EPB41L3: variants seen among roughly 807,000 people sequenced by gnomAD.
EPB41L3 encodes band 4.1-like protein 3.
EPB41L3 carries 57 observed loss-of-function variants against 127.1 expected under a neutral mutation model. That is an observed-to-expected ratio of 0.45 (90% confidence interval 0.36 to 0.56). The LOEUF is 0.56. Ranked by LOEUF, EPB41L3 falls within the 20% of genes least tolerant of loss-of-function variation. EPB41L3 has a pLI of 0.00. For missense variants in EPB41L3, 1,273 were observed against 1,372.2 expected (o/e 0.93, Z 1.14); for synonymous variants, 572 against 549.5 (o/e 1.04, Z -0.57).
At chr18:5,542,988 C>T (rs1302852886) in intron 1 of EPB41L3, among the ~76,000 whole-genome samples, 1 of 152,156 alleles carries the variant, frequency 6.6e-6, no homozygotes, top group Non-Finnish European at 1.5e-5. Context: ...GCCCTAGCCT[C>T]CCCACCCCCA....
chr18:5,513,077 C>T (rs542401851), intron 1 of EPB41L3, among the ~76,000 whole-genome samples: 8 of 152,300 alleles, frequency 5.3e-5, no homozygotes, highest in Admixed American at 3.9e-4. Flanking sequence ...CAGCTGCAGT[C>T]GTTTGTCATT....
rs1381533337 is a variant in EPB41L3 at position 5,397,714 on chromosome 18, A to G, written c.2473-288T>C. ...AACAAAACAAAAACCAAAGCATTGC[A>G]GCGCATTCACGTTGGTTTTGGCTGC... On this transcript the variant is annotated intron_variant, in intron 17 of 22. Coordinates refer to ENST00000341928, the MANE Select transcript of EPB41L3 (RefSeq NM_012307.5). The surrounding 1 kb of genome is among the most constrained non-coding windows in gnomAD (Gnocchi z 4.1). 2.0e-5 allele frequency among the ~76,000 whole-genome samples: 3 copies of G among 152,238 alleles called. No individual in the cohort carries two copies. Among genetic ancestry groups the G allele is most frequent in the Admixed American group, 6.5e-5 (1 of 15,292 alleles).
intron 2 of EPB41L3, among the ~76,000 whole-genome samples, chr18:5,479,413 G>A (rs2087949843): frequency 6.6e-6 from 1 of 152,060 alleles, no homozygotes; most frequent in Non-Finnish European, 1.5e-5. Context: ...TACTTTTCAG[G>A]GGCTCGAAAA....
intron 1 of EPB41L3, among the ~76,000 whole-genome samples, chr18:5,540,035 T>C (rs1189504824): frequency 6.6e-6 from 1 of 152,194 alleles, no homozygotes; most frequent in East Asian, 1.9e-4. Flanking sequence ...CCACATACTT[T>C]TTTTAAAAGA....
chr18:5,548,123 AC>A (rs2093910899), upstream of EPB41L3, among the ~76,000 whole-genome samples: 1 of 152,230 alleles, frequency 6.6e-6, no homozygotes, highest in Non-Finnish European at 1.5e-5. Context: ...AATGTCAGGC[AC>A]CTGAATTGCA....
rs1309111302 is a variant in EPB41L3, at chr18:5,543,505, A to T, written c.-12+408T>A. ...CGCGCTCGCCCCCAGCCCGAGGGGC[A>T]ACTTAAAACATGGCGCCCCGGGCGG... is the stretch of plus-strand genomic sequence containing the variant. On this transcript the variant is annotated intron_variant, in intron 1 of 22. Transcript: ENST00000341928. The surrounding 1 kb of genome is among the most constrained non-coding windows in gnomAD (Gnocchi z 5.2). The T allele has an allele frequency of 6.8e-6, 1 of 147,142 alleles. No homozygotes were observed. Among genetic ancestry groups the T allele is most frequent in the Admixed American group, 6.7e-5 (1 of 14,858 alleles). 9.1% of individuals were successfully genotyped at this position (147,142 alleles called of 1,614,324 possible). A position where few individuals can be genotyped will look rare whatever the true frequency, so the allele number is the denominator to read the frequency against.
At chr18:5,618,109 C>G (rs969541558) in intron 1 of EPB41L3, among the ~76,000 whole-genome samples, 4 of 152,128 alleles carry the variant, frequency 2.6e-5, no homozygotes, top group African/African-American at 9.7e-5. Flanking sequence ...GCAAATAATT[C>G]AAAATTCCAA....
upstream of EPB41L3, among the ~76,000 whole-genome samples, chr18:5,547,916 G>A (rs2093907435): frequency 6.6e-6 from 1 of 152,200 alleles, no homozygotes; most frequent in Non-Finnish European, 1.5e-5. Flanking sequence ...TAGAGAATCA[G>A]TCTGGTTAAA....
At chr18:5,467,275 T>C (rs957277180) in intron 3 of EPB41L3, 1 of 152,226 alleles carries the variant, frequency 6.6e-6, no homozygotes, top group African/African-American at 2.4e-5. Flanking sequence ...ATTCTTTACA[T>C]AGTAGCTTAT....
chr18:5,576,856 A>C (rs558878678), intron 3 of EPB41L3, among the ~76,000 whole-genome samples: 2 of 152,234 alleles, frequency 1.3e-5, no homozygotes, highest in Non-Finnish European at 2.9e-5. Flanking sequence ...TGCAAAGTCT[A>C]AGCATAAGTA....
chr18:5,440,817 GA>G (rs2080595184), intron 5 of EPB41L3, among the ~76,000 whole-genome samples: 1 of 152,118 alleles, frequency 6.6e-6, no homozygotes, highest in South Asian at 2.1e-4. Flanking sequence ...GAAATTTTAA[GA>G]TCCTGCATGC....
At chr18:5,403,552 TA>T (rs1283266035) in intron 16 of EPB41L3, among the ~76,000 whole-genome samples, 3 of 150,378 alleles carry the variant, frequency 2.0e-5, no homozygotes, top group Non-Finnish European at 4.4e-5. Flanking sequence ...AAGAAATCTT[TA>T]GTTTTTTTCT....
In EPB41L3 at chr18:5,582,323, T is replaced by C. The variant is rs574396098; in HGVS notation, c.-306+30017A>G. Among the ~76,000 whole-genome samples, 531 of 152,216 alleles carry C rather than the reference T, an allele frequency of 3.5e-3. 1 individual carries two copies. The highest frequency in any genetic ancestry group is 0.012 in the African/African-American group (511 of 41,546). Reference sequence around the variant, plus strand: ...AAGACAACGGAGCAGCTGGGCCTGCTTCACACAATCCTCATCTTAGAAGAA... The same window carrying C: ...AAGACAACGGAGCAGCTGGGCCTGCCTCACACAATCCTCATCTTAGAAGAA... On this transcript the variant is annotated intron_variant, in intron 3 of 21. Transcript: ENST00000545076.
In EPB41L3 at chr18:5,398,658, C is replaced by T. The variant is rs553557951; in HGVS notation, c.2350-515G>A. ...ATGAGTGACACTGGTTACCACTACT[C>T]GGGAGGCGGATGACTCAGTAACGTA... On this transcript the variant is annotated intron_variant, in intron 16 of 22. Transcript: ENST00000341928. 8.0e-5 allele frequency: 32 copies of T among 400,118 alleles called. No individual in the cohort carries two copies. In the South Asian group the frequency reaches 1.0e-3, roughly 13 times the overall value. The allele number at this position is 400,118 out of a possible 1,614,324, so 24.8% of individuals were successfully genotyped here.
At chr18:5,527,315 T>A (rs2093260514) in intron 1 of EPB41L3, among the ~76,000 whole-genome samples, 1 of 152,142 alleles carries the variant, frequency 6.6e-6, no homozygotes, top group Non-Finnish European at 1.5e-5. Flanking sequence ...GCTCTTCTCA[T>A]CACGGAGTCT....
At chr18:5,422,191 A>G (rs760875057) in intron 11 of EPB41L3, among the ~76,000 whole-genome samples, 4 of 152,260 alleles carry the variant, frequency 2.6e-5, no homozygotes, top group South Asian at 2.1e-4. Context: ...CTGGACTTCA[A>G]TCTGGATTTA....
chr18:5,493,751 C>T (rs1323669321), intron 1 of EPB41L3, among the ~76,000 whole-genome samples: 2 of 152,096 alleles, frequency 1.3e-5, no homozygotes, highest in African/African-American at 4.8e-5. Flanking sequence ...GTCACCACAT[C>T]CTCCCACTCA....
At chr18:5,575,397 C>T (rs1251083988) in intron 3 of EPB41L3, among the ~76,000 whole-genome samples, 2 of 152,084 alleles carry the variant, frequency 1.3e-5, no homozygotes, top group Non-Finnish European at 2.9e-5. Context: ...ATTCTCGCCC[C>T]TGTTTGTTAC....
At chr18:5,615,797 C>T (rs1298170476) in intron 1 of EPB41L3, among the ~76,000 whole-genome samples, 1 of 152,172 alleles carries the variant, frequency 6.6e-6, no homozygotes, top group Non-Finnish European at 1.5e-5. Context: ...ATTTTTAACA[C>T]AGAGAGAGAA....
Sources: gnomAD v4.1 joint callset for allele counts (sites outside exome capture counted in the v4.1 genomes callset) on GRCh38, gnomAD v4.1.1 for gene constraint, Gnocchi (gnomAD v3.1) non-coding constraint, MANE v1.5 for transcripts, NCBI Gene and HGNC (gene_info 2026-07-23, HGNC 2026-07-21) for gene names.